NXPE2: variants seen among roughly 807,000 people sequenced by gnomAD.
NXPE2 encodes neurexophilin and PC-esterase domain family member 2, also known as NXPE family member 2.
In NXPE2, 34 loss-of-function variants were observed where a neutral mutation model predicts 34.4. The ratio of observed to expected loss-of-function variants is 0.99; its 90% CI spans 0.75 to 1.31. The LOEUF (loss-of-function observed/expected upper bound fraction) is 1.31. Among genes scored for constraint, NXPE2 ranks in the 40% most tolerant of loss-of-function variants. The probability of loss-of-function intolerance (pLI) is 0.00; values close to 1 mark genes in which losing one functional copy is unlikely to be tolerated. For missense variants in NXPE2, 649 were observed against 672.5 expected, an observed-to-expected ratio of 0.97 and a Z score of 0.39; for synonymous variants, 235 against 231.3, an observed-to-expected ratio of 1.02 and a Z score of -0.15.
the NXPE2 span, among the ~76,000 whole-genome samples, chr11:114,547,487 C>A: frequency 6.6e-6 from 1 of 152,186 alleles, no homozygotes; most frequent in Non-Finnish European, 1.5e-5. Flanking sequence ...GTAATCCCAG[C>A]ACTTTGGGAG....
chr11:114,522,621 C>A, the NXPE2 span: 62 of 875,418 alleles, frequency 7.1e-5, no homozygotes, highest in Non-Finnish European at 9.5e-5. Context: ...TGGAGCCTTT[C>A]TACTCTCTAG....
chr11:114,655,236 A>G, the NXPE2 span, among the ~76,000 whole-genome samples: 1 of 152,164 alleles, frequency 6.6e-6, no homozygotes, highest in Non-Finnish European at 1.5e-5. Flanking sequence ...CCTTTGTCAG[A>G]TGGGTAGATT....
chr11:114,775,494 A>G, the NXPE2 span, among the ~76,000 whole-genome samples: 1 of 152,340 alleles, frequency 6.6e-6, no homozygotes, highest in South Asian at 2.1e-4. Flanking sequence ...CTGACCACTC[A>G]TCTCATTCCA....
rs201613080 is a variant in NXPE2 at position 114,704,001 on chromosome 11, G to T, written c.877G>T (p.Gly293Ter). ...TCCCATTTCTTGCAGGTCCAACATA[G>T]GAGTTGAAATGATGAAGAACTTTAC... ...EWRLFHRSNI[G>*]VEMMKNFTPI... is the part of the protein sequence containing the mutation. Residue 293 changes from glycine (G) to a stop codon, truncating the protein, a stop_gained, in exon 4 of 6, where the codon GGA becomes TGA. Coordinates refer to ENST00000389586, the MANE Select transcript of NXPE2 (RefSeq NM_182495.6). LOFTEE classifies it high-confidence loss of function. 2.8e-4 allele frequency: 442 copies of T among 1,551,204 alleles called. 1 individual carries two copies. The highest frequency in any genetic ancestry group is 3.7e-4 in the Non-Finnish European group (425 of 1,146,134).
chr11:114,797,645 A>G, the NXPE2 span, among the ~76,000 whole-genome samples: 1 of 152,322 alleles, frequency 6.6e-6, no homozygotes, highest in East Asian at 1.9e-4. Flanking sequence ...TCTATTAACC[A>G]GAGTTTGCTC....
At chr11:114,736,767 G>A in the NXPE2 span, among the ~76,000 whole-genome samples, 1 of 152,192 alleles carries the variant, frequency 6.6e-6, no homozygotes, top group East Asian at 1.9e-4. Context: ...TATGTTTAGA[G>A]ATTGCAGTAA....
the NXPE2 span, among the ~76,000 whole-genome samples, chr11:114,538,520 A>C: frequency 8.8e-4 from 134 of 152,358 alleles, no homozygotes; most frequent in African/African-American, 3.0e-3. Flanking sequence ...AAATTTTTGC[A>C]ACCTACTCAT....
the NXPE2 span, among the ~76,000 whole-genome samples, chr11:114,789,802 C>G: frequency 6.6e-6 from 1 of 152,190 alleles, no homozygotes; most frequent in East Asian, 1.9e-4. Context: ...TTACTCTCCT[C>G]ACATGACATC....
chr11:114,475,440 C>T, the NXPE2 span, among the ~76,000 whole-genome samples: 46 of 151,940 alleles, frequency 3.0e-4, no homozygotes, highest in African/African-American at 1.0e-3. Context: ...GATGGGGTTT[C>T]GCCATGTTGG....
the NXPE2 span, among the ~76,000 whole-genome samples, chr11:114,638,626 G>A: frequency 6.6e-6 from 1 of 152,024 alleles, no homozygotes; most frequent in Non-Finnish European, 1.5e-5. Context: ...TGATGGTGAT[G>A]TACAGATAGG....
At chr11:114,492,578 G>A in the NXPE2 span, among the ~76,000 whole-genome samples, 9 of 148,800 alleles carry the variant, frequency 6.0e-5, no homozygotes, top group South Asian at 2.1e-4. Flanking sequence ...TTGCTCCATC[G>A]CCCAGGCTGG....
At chr11:114,525,210 C>G in the NXPE2 span, among the ~76,000 whole-genome samples, 2 of 151,760 alleles carry the variant, frequency 1.3e-5, no homozygotes, top group Non-Finnish European at 2.9e-5. Context: ...GTGTCAGACT[C>G]TTTTTTGGCC....
the NXPE2 span, among the ~76,000 whole-genome samples, chr11:114,531,101 T>C: frequency 6.6e-6 from 1 of 151,640 alleles, no homozygotes. Context: ...GATATTATGA[T>C]GATGATATAA....
the NXPE2 span, among the ~76,000 whole-genome samples, chr11:114,504,696 C>A: frequency 4.6e-5 from 7 of 152,114 alleles, no homozygotes; most frequent in Non-Finnish European, 1.0e-4. Context: ...CTTTATATCA[C>A]AATCAGACCC....
chr11:114,631,712 C>T, the NXPE2 span, among the ~76,000 whole-genome samples: 1 of 151,434 alleles, frequency 6.6e-6, no homozygotes, highest in Non-Finnish European at 1.5e-5. Context: ...CCACTGTTAC[C>T]CGGTGGGTAA....
At chr11:114,704,517 G>A (rs1460685668) in intron 4 of NXPE2, among the ~76,000 whole-genome samples, 4 of 152,116 alleles carry the variant, frequency 2.6e-5, no homozygotes, top group African/African-American at 4.8e-5. Context: ...TTAATCATAT[G>A]AACTTTAGTG....
the NXPE2 span, among the ~76,000 whole-genome samples, chr11:114,497,312 A>G: frequency 1.3e-5 from 2 of 152,224 alleles, no homozygotes; most frequent in Admixed American, 1.3e-4. Context: ...GTGTTTTCGT[A>G]CAGCAAGTGC....
the NXPE2 span, among the ~76,000 whole-genome samples, chr11:114,649,744 A>C: frequency 2.0e-5 from 3 of 152,304 alleles, no homozygotes; most frequent in African/African-American, 7.2e-5. Context: ...TGATGAATCC[A>C]ATTGCCTTTT....
chr11:114,654,648 C>G, the NXPE2 span, among the ~76,000 whole-genome samples: 1 of 152,050 alleles, frequency 6.6e-6, no homozygotes, highest in African/African-American at 2.4e-5. Context: ...AAAAAGACAT[C>G]TCGTTCCTTT....
Sources: gnomAD v4.1 joint callset for allele counts (sites outside exome capture counted in the v4.1 genomes callset) on GRCh38, gnomAD v4.1.1 for gene constraint, MANE v1.5 for transcripts, NCBI Gene and HGNC (gene_info 2026-07-23, HGNC 2026-07-21) for gene names.